The following RFX7 variants were observed in gnomAD, a reference collection of about 807,000 sequenced individuals.
The protein encoded by RFX7 is regulatory factor X7.
A neutral mutation model predicts 111.8 loss-of-function variants in RFX7; 26 were observed. The ratio of observed to expected loss-of-function variants is 0.23; its 90% CI spans 0.17 to 0.32. The LOEUF (loss-of-function observed/expected upper bound fraction) is 0.32. Among genes scored for constraint, RFX7 ranks in the 10% least tolerant of loss-of-function variants. RFX7 has a pLI of 1.00. For missense variants in RFX7, 1,573 were observed against 1,772.9 expected, an observed-to-expected ratio of 0.89 and a Z score of 2.02; for synonymous variants, 624 against 624.4, an observed-to-expected ratio of 1.00 and a Z score of 0.01.
intron 3 of RFX7, among the ~76,000 whole-genome samples, chr15:56,152,628 T>A (rs2042588702): frequency 6.7e-6 from 1 of 150,236 alleles, no homozygotes; most frequent in Non-Finnish European, 1.5e-5. Flanking sequence ...CACCCTAACA[T>A]CAAAATTAAA....
At chr15:56,141,174 T>G (rs141048758) in intron 5 of RFX7, among the ~76,000 whole-genome samples, 1 of 151,662 alleles carries the variant, frequency 6.6e-6, no homozygotes, top group Non-Finnish European at 1.5e-5. Flanking sequence ...TAAAACTCTT[T>G]CTCTACAAAA....
Position 56,243,273 on chromosome 15 carries a change from GT to G in RFX7, c.12del (p.Glu4AspfsTer71), listed in dbSNP as rs771431305. On this transcript the variant is annotated frameshift_variant, in exon 2 of 10. Transcript: ENST00000559447. LOFTEE classifies it high-confidence loss of function. MAE[E>X]QQQPPPQQPD... ...GGCTGCTGTGGTGGCGGCTGTTGTTGTTCCTCTGCCATCGCTGCAGAGGGGT... is the reference window on the plus strand; with the variant it reads ...GGCTGCTGTGGTGGCGGCTGTTGTTGTCCTCTGCCATCGCTGCAGAGGGGT... The G allele has an allele frequency of 9.1e-7, 1 of 1,096,610 alleles. No individual in the cohort carries two copies. 67.9% of individuals were successfully genotyped at this position (1,096,610 alleles called of 1,614,324 possible).
chr15:56,236,484 A>G (rs2141241213), intron 2 of RFX7, among the ~76,000 whole-genome samples: 1 of 152,278 alleles, frequency 6.6e-6, no homozygotes, highest in Admixed American at 6.5e-5. Context: ...ACAGAAAGAG[A>G]ATGGTAGAAT....
Position 56,093,989 on chromosome 15 carries a change from T to C in RFX7, c.3739A>G (p.Lys1247Glu), listed in dbSNP as rs1567001966. The change falls in exon 10 of 10, where the codon AAA (lysine) becomes GAA (glutamate). Residue 1247 changes from lysine to glutamate, a missense_variant. Physicochemically the swap from Lys to Glu is moderately conservative, Grantham distance 56. This residue lies in a region of RFX7 where 411 missense variants were observed against 478.1 expected (regional missense o/e 0.86). Transcript: ENST00000559447. ...PNALQKQANS[K>E]KITNVLLSKL... The stretch of plus-strand genomic sequence containing the variant: ...CTCAACAAAACATTGGTTATTTTTT[T>C]ACTGTTTGCTTGCTTCTGAAGAGCG... The C allele has an allele frequency of 6.2e-7, 1 of 1,614,020 alleles. No homozygotes were observed. Among genetic ancestry groups the C allele is most frequent in the Non-Finnish European group, 8.5e-7 (1 of 1,179,864 alleles).
chr15:56,192,195 T>C (rs1390705253), intron 2 of RFX7, among the ~76,000 whole-genome samples: 1 of 152,054 alleles, frequency 6.6e-6, no homozygotes, highest in Non-Finnish European at 1.5e-5. Flanking sequence ...TCTAGCGTAA[T>C]AATAACTTCG....
At chr15:56,156,001 C>G (rs1389812441) in intron 3 of RFX7, among the ~76,000 whole-genome samples, 2 of 152,046 alleles carry the variant, frequency 1.3e-5, no homozygotes, top group Non-Finnish European at 2.9e-5. Context: ...AATCCAAAAA[C>G]TGGTTAAAAA....
At chr15:56,217,041 CA>C (rs1274042214) in intron 2 of RFX7, among the ~76,000 whole-genome samples, 3 of 151,618 alleles carry the variant, frequency 2.0e-5, no homozygotes, top group Non-Finnish European at 2.9e-5. Flanking sequence ...ATGGTTAAAA[CA>C]AAAAAAATTA....
chr15:56,124,760 C>T (rs1373861414), intron 5 of RFX7, among the ~76,000 whole-genome samples: 1 of 152,124 alleles, frequency 6.6e-6, no homozygotes, highest in Non-Finnish European at 1.5e-5. Context: ...GGATATTAAT[C>T]TCCTGTTTAG....
intron 3 of RFX7, among the ~76,000 whole-genome samples, chr15:56,170,931 G>C (rs1274923493): frequency 6.6e-6 from 1 of 152,134 alleles, no homozygotes; most frequent in Non-Finnish European, 1.5e-5. Context: ...TGAGTATGAA[G>C]AATCTTCCAC....
At chr15:56,148,807 G>C (rs1465340106) in intron 3 of RFX7, among the ~76,000 whole-genome samples, 2 of 152,046 alleles carry the variant, frequency 1.3e-5, no homozygotes, top group Admixed American at 6.5e-5. Context: ...GTCGGCCGGG[G>C]GCAGTGGCTC....
chr15:56,110,337 C>T (rs1398627960), intron 5 of RFX7, among the ~76,000 whole-genome samples: 2 of 109,124 alleles, frequency 1.8e-5, no homozygotes, highest in African/African-American at 3.3e-5. Flanking sequence ...GTCAGCCCCC[C>T]GCCTGGCCAG....
rs568461108 is a variant in RFX7, at chr15:56,088,406, CAAAG to C, written c.*4935_*4938del. Reference sequence around the variant, plus strand: ...ATGCAAACTAACACTGGGTCTAATGCAAAGAAATACTCTATATACCACAGTAATA... The same window carrying C: ...ATGCAAACTAACACTGGGTCTAATGCAAATACTCTATATACCACAGTAATA... On this transcript the variant is annotated 3_prime_UTR_variant, in exon 10 of 10. Transcript: ENST00000559447. 1 of 152,338 alleles carries C rather than the reference CAAAG, an allele frequency of 6.6e-6. No individual in the cohort carries two copies. 9.4% of individuals were successfully genotyped at this position (152,338 alleles called of 1,614,324 possible).
chr15:56,152,264 T>C (rs564818222), intron 3 of RFX7, among the ~76,000 whole-genome samples: 2 of 152,232 alleles, frequency 1.3e-5, no homozygotes, highest in East Asian at 3.9e-4. Flanking sequence ...TTCTCAGCAC[T>C]TCATCACACT....
chr15:56,112,721 C>G (rs1174763631), intron 5 of RFX7, among the ~76,000 whole-genome samples: 1 of 152,074 alleles, frequency 6.6e-6, no homozygotes, highest in Non-Finnish European at 1.5e-5. Context: ...AGACAACCAA[C>G]CTATAGAATG....
chr15:56,100,397 T>C (rs1397307408), intron 8 of RFX7, among the ~76,000 whole-genome samples: 19 of 152,144 alleles, frequency 1.2e-4, no homozygotes, highest in African/African-American at 4.3e-4. Flanking sequence ...GGGTCTTCAA[T>C]TGACCACAAA....
chr15:56,115,244 T>C (rs916536497), intron 5 of RFX7, among the ~76,000 whole-genome samples: 1 of 152,210 alleles, frequency 6.6e-6, no homozygotes, highest in Non-Finnish European at 1.5e-5. Context: ...ACTCCTGACC[T>C]CAGGTGATCT....
intron 3 of RFX7, among the ~76,000 whole-genome samples, chr15:56,151,169 G>C (rs2042564358): frequency 6.6e-6 from 1 of 152,178 alleles, no homozygotes; most frequent in South Asian, 2.1e-4. Flanking sequence ...CTCCAACCGA[G>C]CAAGACAGGC....
intron 3 of RFX7, among the ~76,000 whole-genome samples, chr15:56,169,456 A>G (rs2042818330): frequency 6.6e-6 from 1 of 152,244 alleles, no homozygotes; most frequent in African/African-American, 2.4e-5. Context: ...ATTTACACAT[A>G]TAACACCTTC....
At chr15:56,114,648 A>G (rs1230032902) in intron 5 of RFX7, among the ~76,000 whole-genome samples, 4 of 152,080 alleles carry the variant, frequency 2.6e-5, no homozygotes, top group African/African-American at 9.7e-5. Flanking sequence ...AATGAACAAT[A>G]TATCTGAAAG....
Sources: gnomAD v4.1 joint callset for allele counts (sites outside exome capture counted in the v4.1 genomes callset) on GRCh38, gnomAD v4.1.1 for gene constraint, gnomAD v4.1.1 regional missense constraint, MANE v1.5 for transcripts, NCBI Gene and HGNC (gene_info 2026-07-23, HGNC 2026-07-21) for gene names.